The following HS6ST3 variants were observed in gnomAD, a reference collection of about 807,000 sequenced individuals.
The protein encoded by HS6ST3 is heparan sulfate 6-O-sulfotransferase 3.
A neutral mutation model predicts 36.7 loss-of-function variants in HS6ST3; 12 were observed. The ratio of observed to expected loss-of-function variants is 0.33; its 90% CI spans 0.21 to 0.53. The LOEUF (loss-of-function observed/expected upper bound fraction) is 0.53, where lower values mean the gene tolerates loss of function less well. Ranked by LOEUF, HS6ST3 falls within the 20% of genes least tolerant of loss-of-function variation. The probability of loss-of-function intolerance (pLI) is 0.95; values close to 1 mark genes in which losing one functional copy is unlikely to be tolerated. For synonymous variants in HS6ST3, 240 were observed against 257.5 expected (o/e 0.93, Z 0.65); for missense variants, 584 against 640.9 (o/e 0.91, Z 0.96).
chr13:96,497,086 G>A (rs559829711), intron 1 of HS6ST3, among the ~76,000 whole-genome samples: 5 of 145,610 alleles, frequency 3.4e-5, no homozygotes, highest in African/African-American at 1.4e-4. Flanking sequence ...CAGGTGACAG[G>A]GTGGCAAGGG....
chr13:96,558,080 T>C (rs1172563873), intron 1 of HS6ST3, among the ~76,000 whole-genome samples: 1 of 152,240 alleles, frequency 6.6e-6, no homozygotes, highest in African/African-American at 2.4e-5. Flanking sequence ...AAATTCTTCT[T>C]TTTGATTCTC....
intron 1 of HS6ST3, among the ~76,000 whole-genome samples, chr13:96,368,045 C>T (rs971507711): frequency 6.6e-6 from 1 of 152,196 alleles, no homozygotes; most frequent in Non-Finnish European, 1.5e-5. Context: ...AGACTCCCCA[C>T]GTGTTTTTGC....
intron 1 of HS6ST3, among the ~76,000 whole-genome samples, chr13:96,142,895 A>G (rs2054038976): frequency 6.6e-6 from 1 of 152,160 alleles, no homozygotes; most frequent in Non-Finnish European, 1.5e-5. Flanking sequence ...ATAATTCAGT[A>G]ATGTCTTTAA....
At chr13:96,400,448 T>C (rs1018160200) in intron 1 of HS6ST3, among the ~76,000 whole-genome samples, 1 of 152,066 alleles carries the variant, frequency 6.6e-6, no homozygotes, top group Non-Finnish European at 1.5e-5. Flanking sequence ...CTGATAGGTA[T>C]TAATTTGAGG....
At chr13:96,739,629 C>A (rs569427914) in intron 1 of HS6ST3, among the ~76,000 whole-genome samples, 1 of 152,250 alleles carries the variant, frequency 6.6e-6, no homozygotes, top group South Asian at 2.1e-4. Flanking sequence ...TCCAGTACAT[C>A]CAGAATCGGA....
At chr13:96,424,394 C>T (rs1449054276) in intron 1 of HS6ST3, among the ~76,000 whole-genome samples, 1 of 152,128 alleles carries the variant, frequency 6.6e-6, no homozygotes, top group Non-Finnish European at 1.5e-5. Context: ...AAATATTATA[C>T]ACATTAAATG....
intron 1 of HS6ST3, among the ~76,000 whole-genome samples, chr13:96,450,827 G>T (rs183889651): frequency 2.6e-5 from 4 of 152,166 alleles, no homozygotes; most frequent in Admixed American, 1.3e-4. Flanking sequence ...TGCTAAAGAG[G>T]TGAAATTATG....
intron 1 of HS6ST3, among the ~76,000 whole-genome samples, chr13:96,386,638 G>T (rs1458462200): frequency 1.3e-5 from 2 of 152,068 alleles, no homozygotes; most frequent in Admixed American, 6.6e-5. Context: ...AAGCAGAGGT[G>T]GGTGGATCAC....
intron 1 of HS6ST3, among the ~76,000 whole-genome samples, chr13:96,499,925 CT>C (rs1481765533): frequency 2.6e-5 from 4 of 152,114 alleles, no homozygotes; most frequent in Non-Finnish European, 4.4e-5. Context: ...GAAATTACAG[CT>C]TTATTCAGAT....
intron 1 of HS6ST3, among the ~76,000 whole-genome samples, chr13:96,769,682 T>C (rs1027642124): frequency 1.3e-5 from 2 of 151,526 alleles, no homozygotes. Flanking sequence ...TGATAAACAA[T>C]TACTCTTTTG....
chr13:96,768,982 C>A (rs1359332659), intron 1 of HS6ST3, among the ~76,000 whole-genome samples: 1 of 152,100 alleles, frequency 6.6e-6, no homozygotes, highest in African/African-American at 2.4e-5. Context: ...CCAGCTCTAA[C>A]AAACTCTGGG....
At chr13:96,190,575 G>A (rs2054284172) in intron 1 of HS6ST3, among the ~76,000 whole-genome samples, 2 of 152,034 alleles carry the variant, frequency 1.3e-5, no homozygotes, top group African/African-American at 2.4e-5. Context: ...CCTATGCTAG[G>A]TGCTGCTCAA....
intron 1 of HS6ST3, among the ~76,000 whole-genome samples, chr13:96,432,693 T>A (rs2055621561): frequency 6.6e-6 from 1 of 152,112 alleles, no homozygotes; most frequent in Non-Finnish European, 1.5e-5. Flanking sequence ...TAGCAAAAGG[T>A]CAGCAAACTC....
At chr13:96,392,964 TC>T (rs2055403270) in intron 1 of HS6ST3, among the ~76,000 whole-genome samples, 1 of 152,218 alleles carries the variant, frequency 6.6e-6, no homozygotes, top group African/African-American at 2.4e-5. Flanking sequence ...CTCCCATAAT[TC>T]CTACCTGCTA....
chr13:96,781,431 T>C (rs1241660533), intron 1 of HS6ST3, among the ~76,000 whole-genome samples: 1 of 152,216 alleles, frequency 6.6e-6, no homozygotes, highest in African/African-American at 2.4e-5. Flanking sequence ...AGCCAAATTC[T>C]TCAAAATGCT....
At chr13:96,151,179 A>T (rs554749092) in intron 1 of HS6ST3, among the ~76,000 whole-genome samples, 1 of 152,260 alleles carries the variant, frequency 6.6e-6, no homozygotes, top group African/African-American at 2.4e-5. Context: ...CAAGGTGGGT[A>T]GATCACCTGA....
intron 1 of HS6ST3, among the ~76,000 whole-genome samples, chr13:96,225,998 G>A (rs1416916394): frequency 2.6e-5 from 4 of 151,996 alleles, no homozygotes; most frequent in African/African-American, 9.7e-5. Context: ...CGTTTTGTTG[G>A]GTCTCTGGGC....
chr13:96,736,041 G>A (rs193265709), intron 1 of HS6ST3, among the ~76,000 whole-genome samples: 40 of 152,122 alleles, frequency 2.6e-4, no homozygotes, highest in Non-Finnish European at 4.6e-4. Flanking sequence ...CACACAGAGG[G>A]GAACAGCACA....
intron 1 of HS6ST3, among the ~76,000 whole-genome samples, chr13:96,681,654 A>G (rs1434564340): frequency 3.3e-5 from 5 of 152,160 alleles, no homozygotes; most frequent in Non-Finnish European, 7.3e-5. Context: ...CTCATTTGGA[A>G]AATGAATAAA....
Sources: allele counts gnomAD v4.1 joint callset (sites outside exome capture counted in the v4.1 genomes callset), GRCh38; gene constraint gnomAD v4.1.1; transcripts MANE v1.5; gene names NCBI Gene and HGNC (gene_info 2026-07-23, HGNC 2026-07-21).